Variants in COBL observed in about 807,000 individuals in gnomAD.
The protein encoded by COBL is protein cordon-bleu.
Under a neutral mutation model 98.8 loss-of-function variants are expected in COBL, and 51 were observed. The observed-to-expected ratio is 0.52, with a 90% confidence interval of 0.41 to 0.65. The LOEUF is 0.65. Among genes scored for constraint, COBL ranks in the 30% least tolerant of loss-of-function variants. COBL has a pLI of 0.00. For missense variants in COBL, 1,617 were observed against 1,617.5 expected (o/e 1.00, Z 0.01); for synonymous variants, 634 against 651.7 (o/e 0.97, Z 0.41).
intron 1 of COBL, among the ~76,000 whole-genome samples, chr7:51,227,504 T>C (rs1442371157): frequency 2.0e-5 from 3 of 152,216 alleles, no homozygotes; most frequent in Non-Finnish European, 4.4e-5. Flanking sequence ...CCAGGCAAGA[T>C]GCACTCCAGC....
chr7:51,258,210 T>C (rs1330507251), intron 1 of COBL, among the ~76,000 whole-genome samples: 2 of 152,210 alleles, frequency 1.3e-5, no homozygotes, highest in African/African-American at 2.4e-5. Context: ...TAAAACCATA[T>C]ACTTTTTTTT....
chr7:51,255,879 C>T (rs1190703689), intron 1 of COBL, among the ~76,000 whole-genome samples: 1 of 152,148 alleles, frequency 6.6e-6, no homozygotes, highest in Admixed American at 6.5e-5. Flanking sequence ...CCAGCCCAGC[C>T]CCTGCTTTGT....
chr7:51,020,875 C>T (rs923454593), intron 12 of COBL: 2 of 152,238 alleles, frequency 1.3e-5, no homozygotes, highest in Admixed American at 6.5e-5. Context: ...AAAATGGCAA[C>T]GTCACTGTTA....
chr7:51,098,727 G>A (rs1238699059), intron 6 of COBL, among the ~76,000 whole-genome samples: 1 of 152,040 alleles, frequency 6.6e-6, no homozygotes, highest in East Asian at 1.9e-4. Context: ...GGCACCAAAA[G>A]TACAGACAAC....
In COBL at chr7:51,123,645, A is replaced by G. The variant is rs376148086; in HGVS notation, c.957+12513T>C. On this transcript the variant is annotated intron_variant, in intron 6 of 12. Transcript: ENST00000265136. Reference sequence around the variant, plus strand: ...GGAGCAGGGGTACATTTTTCCTTCAAGAAGATGCATACAATTGTTTTTAAA... The same window carrying G: ...GGAGCAGGGGTACATTTTTCCTTCAGGAAGATGCATACAATTGTTTTTAAA... Among the ~76,000 whole-genome samples the G allele has an allele frequency of 3.9e-5, 6 of 152,364 alleles. No homozygotes were observed. The East Asian group carries it at 7.7e-4, about 20-fold the overall frequency.
Position 51,136,213 on chromosome 7 carries a change from C to A in COBL, c.902G>T (p.Arg301Leu), listed in dbSNP as rs375925507. The A allele has an allele frequency of 6.2e-7, 1 of 1,613,150 alleles. No homozygotes were observed. Among genetic ancestry groups the A allele is most frequent in the Non-Finnish European group, 8.5e-7 (1 of 1,180,020 alleles). ...CCCTGAACCTGGAGGAGGAGGGGCT[C>A]GGCGCTTCTTCATCTCCGACTTCAC... is the stretch of plus-strand genomic sequence containing the variant. ...VSVKSEMKKR[R>L]APPPPGSGPP... The change falls in exon 6 of 13, where the codon CGA becomes CTA. Residue 301 changes from arginine to leucine, a missense_variant. Transcript: ENST00000265136.
At chr7:51,110,932 A>G (rs1433644504) in intron 6 of COBL, among the ~76,000 whole-genome samples, 1 of 152,162 alleles carries the variant, frequency 6.6e-6, no homozygotes, top group Non-Finnish European at 1.5e-5. Flanking sequence ...TTATCCACTC[A>G]TTGATCGATG....
rs1787848065 is a variant in COBL at position 51,028,674 on chromosome 7, G to C, written c.2422C>G (p.Gln808Glu). 6 of 1,612,934 alleles carry C rather than the reference G, an allele frequency of 3.7e-6. No homozygotes were observed. ...TQTQNPESRL[Q>E]ADPKPISPQQ... is the part of the protein sequence containing the mutation. Reference sequence around the variant, plus strand: ...GGCGATATTGGCTTGGGGTCTGCTTGGAGTCTGCTCTCTGGATTCTGCGTC... The same window carrying C: ...GGCGATATTGGCTTGGGGTCTGCTTCGAGTCTGCTCTCTGGATTCTGCGTC... The change falls in exon 10 of 13, where the codon CAA becomes GAA. Residue 808 changes from glutamine to glutamate, a missense_variant. By Grantham distance (29) the Gln-to-Glu change is conservative (BLOSUM62 2). Around this residue, in one of 3 missense-constraint regions of COBL, gnomAD observed 1,304 missense variants for 1,282.0 expected, o/e 1.02. Transcript: ENST00000265136.
chr7:51,029,360 A>G lies in COBL; in HGVS notation c.1736T>C (p.Leu579Pro). Residue 579 changes from leucine (L) to proline (P), a missense_variant, in exon 10 of 13, where the codon CTG becomes CCG. This residue lies in a region of COBL where 1,304 missense variants were observed against 1,282.0 expected (regional missense o/e 1.02). Coordinates refer to ENST00000265136, the MANE Select transcript of COBL (RefSeq NM_015198.5). Reference sequence around the variant, plus strand: ...GCTGTGCTCAGCTTGAAGTGGCGCCAGGGAGTCTCTCCTGCTGGCAACACC... The same window carrying G: ...GCTGTGCTCAGCTTGAAGTGGCGCCGGGGAGTCTCTCCTGCTGGCAACACC... ...SEGVASRRDS[L>P]APLQAEHSQP... 1 of 1,607,430 alleles carries G rather than the reference A, an allele frequency of 6.2e-7. No individual in the cohort carries two copies. Among genetic ancestry groups the G allele is most frequent in the East Asian group, 2.2e-5 (1 of 44,740 alleles).
chr7:51,036,205 C>T (rs867630659), intron 8 of COBL, among the ~76,000 whole-genome samples: 1 of 151,844 alleles, frequency 6.6e-6, no homozygotes. Flanking sequence ...AGCATGGTGG[C>T]GTGTGCCTGT....
At chr7:51,036,249 A>G (rs1413611702) in intron 8 of COBL, among the ~76,000 whole-genome samples, 1 of 151,246 alleles carries the variant, frequency 6.6e-6, no homozygotes, top group Non-Finnish European at 1.5e-5. Context: ...AGGCAGGAAA[A>G]TCGCCTGAAC....
chr7:51,048,644 T>TA (rs1219089201), intron 7 of COBL, among the ~76,000 whole-genome samples: 1 of 152,128 alleles, frequency 6.6e-6, no homozygotes, highest in Non-Finnish European at 1.5e-5. Flanking sequence ...TTTTTTTTTT[T>TA]ATTCATCAAG....
intron 1 of COBL, among the ~76,000 whole-genome samples, chr7:51,312,083 G>T (rs1223647090): frequency 2.0e-5 from 3 of 152,084 alleles, no homozygotes; most frequent in Non-Finnish European, 4.4e-5. Context: ...CAGCACTTTG[G>T]GAGGCCAAGG....
intron 7 of COBL, among the ~76,000 whole-genome samples, chr7:51,069,231 G>C (rs1208325699): frequency 6.6e-6 from 1 of 152,206 alleles, no homozygotes; most frequent in Non-Finnish European, 1.5e-5. Context: ...GCGCAGGGAT[G>C]AGGCAGAAAC....
At chr7:51,199,553 A>G (rs574428081) in intron 2 of COBL, among the ~76,000 whole-genome samples, 1 of 152,366 alleles carries the variant, frequency 6.6e-6, no homozygotes, top group East Asian at 1.9e-4. Flanking sequence ...CTTCAGGAGA[A>G]TACAGATTTT....
chr7:51,133,092 C>T (rs1296346521), intron 6 of COBL, among the ~76,000 whole-genome samples: 1 of 152,072 alleles, frequency 6.6e-6, no homozygotes, highest in Admixed American at 6.6e-5. Flanking sequence ...CCAGCAGCTG[C>T]CTAGGGTCCA....
chr7:51,126,726 A>T (rs985754048), intron 6 of COBL, among the ~76,000 whole-genome samples: 1 of 152,004 alleles, frequency 6.6e-6, no homozygotes, highest in Non-Finnish European at 1.5e-5. Context: ...CCCAAATGTC[A>T]TCTCCCAGAG....
At chr7:51,032,502 T>C (rs1360591356) in intron 8 of COBL, 1 of 152,238 alleles carries the variant, frequency 6.6e-6, no homozygotes, top group East Asian at 1.9e-4. Context: ...CAGATAATGA[T>C]GCATGAAATA....
rs144311719 is a variant in COBL, at chr7:51,118,085, G to A, written c.957+18073C>T. 1.3e-3 allele frequency among the ~76,000 whole-genome samples: 191 copies of A among 152,274 alleles called. 1 individual carries two copies. Among genetic ancestry groups the A allele is most frequent in the Non-Finnish European group, 2.3e-3 (155 of 68,022 alleles). Reference sequence around the variant, plus strand: ...GTATTCTTTCCTCACTTTCCAGAGGGCGGTGGCTGTCCTGAATTCTGGCCA... The same window carrying A: ...GTATTCTTTCCTCACTTTCCAGAGGACGGTGGCTGTCCTGAATTCTGGCCA... On this transcript the variant is annotated intron_variant, in intron 6 of 12. Coordinates refer to ENST00000265136, the MANE Select transcript of COBL (RefSeq NM_015198.5).
Sources: allele counts gnomAD v4.1 joint callset (sites outside exome capture counted in the v4.1 genomes callset), GRCh38; gene constraint gnomAD v4.1.1; regional missense constraint gnomAD v4.1.1; transcripts MANE v1.5; gene names NCBI Gene and HGNC (gene_info 2026-07-23, HGNC 2026-07-21).